The following C16orf78 variants were observed in gnomAD, a reference collection of about 807,000 sequenced individuals.
C16orf78 encodes the protein chromosome 16 open reading frame 78.
A neutral mutation model predicts 27.3 loss-of-function variants in C16orf78; 19 were observed. The observed-to-expected ratio is 0.70, with a 90% CI of 0.49 to 1.02. C16orf78 has a LOEUF of 1.02. Ranked by LOEUF, C16orf78 falls within the 50% of genes least tolerant of loss-of-function variation. The pLI, the probability that C16orf78 is intolerant of heterozygous loss-of-function variation, is 0.00. For missense variants in C16orf78, 339 were observed against 337.0 expected, an observed-to-expected ratio of 1.01 and a Z score of -0.05; for synonymous variants, 130 against 116.1, an observed-to-expected ratio of 1.12 and a Z score of -0.77.
chr16:49,394,097 G>T (rs1316810453), intron 3 of C16orf78, among the ~76,000 whole-genome samples: 1 of 152,012 alleles, frequency 6.6e-6, no homozygotes, highest in Admixed American at 6.6e-5. Context: ...CTAAAAAATG[G>T]CACTAAGACA....
chr16:49,378,510 G>A lies in C16orf78; in HGVS notation c.311G>A (p.Arg104Gln), dbSNP rs74431342. 1.1e-3 allele frequency: 1,713 copies of A among 1,608,260 alleles called. 17 individuals are homozygous for A. The African/African-American group carries it at 0.02, about 19-fold the overall frequency. ...KRFRKDAASY[R>Q]SLYGVEQKGK... ...TTCAGGAAGGACGCCGCCTCCTACC[G>A]AAGCCTCTATGGAGTGGAGCAAAAG... Residue 104 changes from arginine (R) to glutamine (Q), a missense_variant, in exon 3 of 5, where the codon CGA (arginine) becomes CAA (glutamine). Transcript: ENST00000299191.
At position 49,377,776 on chromosome 16, in the gene C16orf78, A is replaced by G. The variant is rs1965239035; in HGVS notation, c.196A>G (p.Lys66Glu). The change falls in exon 2 of 5, where the codon AAG (lysine) becomes GAG (glutamate). Residue 66 changes from lysine to glutamate, a missense_variant. Transcript: ENST00000299191. ...VVTVLKRNKK[K>E]EEKKGKGLMT... ...GACAGTCCTTAAACGAAATAAGAAG[A>G]AGGAAGAGAAGAAAGGCAAAGGCCT... is the stretch of plus-strand genomic sequence containing the variant. 1.3e-6 allele frequency: 2 copies of G among 1,599,712 alleles called. No individual in the cohort carries two copies. The highest frequency in any genetic ancestry group is 1.7e-6 in the Non-Finnish European group (2 of 1,173,122).
chr16:49,393,046 T>G (rs1043041470), intron 3 of C16orf78, among the ~76,000 whole-genome samples: 1 of 152,222 alleles, frequency 6.6e-6, no homozygotes, highest in Non-Finnish European at 1.5e-5. Context: ...TCTTCTGCCA[T>G]GATTGTGAGG....
At chr16:49,387,286 CT>C (rs2151613717) in intron 3 of C16orf78, among the ~76,000 whole-genome samples, 1 of 152,042 alleles carries the variant, frequency 6.6e-6, no homozygotes, top group East Asian at 1.9e-4. Context: ...CCTTTGCCCA[CT>C]TTTGTTGTTG....
chr16:49,386,870 C>T (rs890031626), intron 3 of C16orf78, among the ~76,000 whole-genome samples: 13 of 152,154 alleles, frequency 8.5e-5, no homozygotes, highest in African/African-American at 3.1e-4. Flanking sequence ...AAGTTGATTC[C>T]ATGCTTTGCT....
intron 3 of C16orf78, among the ~76,000 whole-genome samples, chr16:49,391,029 AG>A (rs899643267): frequency 6.6e-6 from 1 of 152,208 alleles, no homozygotes; most frequent in Non-Finnish European, 1.5e-5. Flanking sequence ...TAATTGCTTA[AG>A]GTGAAAGGAT....
In C16orf78 at chr16:49,388,686, A is replaced by AT. The variant is rs796319423; in HGVS notation, c.395-7729dup. 5.9e-5 allele frequency among the ~76,000 whole-genome samples: 9 copies of AT among 151,810 alleles called. No homozygotes were observed. In the East Asian group the frequency reaches 9.7e-4, roughly 16 times the overall value. ...GCCACCATGGCCAGCAAATTTTTGTATTTTTTTTGTAGAGACGAGGTTTTG... is the reference window on the plus strand; with the variant it reads ...GCCACCATGGCCAGCAAATTTTTGTATTTTTTTTTGTAGAGACGAGGTTTTG... On this transcript the variant is annotated intron_variant, in intron 3 of 4. Coordinates refer to ENST00000299191, the MANE Select transcript of C16orf78 (RefSeq NM_144602.4).
intron 3 of C16orf78, among the ~76,000 whole-genome samples, chr16:49,382,943 G>A (rs1227750277): frequency 6.6e-6 from 1 of 152,166 alleles, no homozygotes; most frequent in Non-Finnish European, 1.5e-5. Flanking sequence ...CTCCCTAAAA[G>A]AAACCCATAC....
At chr16:49,384,297 G>T (rs1449106550) in intron 3 of C16orf78, among the ~76,000 whole-genome samples, 1 of 144,684 alleles carries the variant, frequency 6.9e-6, no homozygotes, top group Admixed American at 7.2e-5. Context: ...GCAGTGAGCC[G>T]AGATAGTGCC....
intron 4 of C16orf78, 69 bp downstream of exon 4, chr16:49,396,747 G>A: frequency 4.5e-6 from 7 of 1,543,056 alleles, no homozygotes; most frequent in South Asian, 2.5e-5. Context: ...TCTTGTCCCT[G>A]GCTCAAACAC....
At chr16:49,386,978 G>A (rs570646260) in intron 3 of C16orf78, among the ~76,000 whole-genome samples, 2 of 152,266 alleles carry the variant, frequency 1.3e-5, no homozygotes, top group East Asian at 1.9e-4. Flanking sequence ...GGGATTGCTG[G>A]GTTGAATGAT....
chr16:49,398,795 T>C (rs1002814522), intron 4 of C16orf78, among the ~76,000 whole-genome samples: 1 of 152,246 alleles, frequency 6.6e-6, no homozygotes, highest in Non-Finnish European at 1.5e-5. Context: ...AATCCCAAAA[T>C]GAACATCTTT....
At chr16:49,379,754 A>G (rs529323192) in intron 3 of C16orf78, among the ~76,000 whole-genome samples, 7 of 152,370 alleles carry the variant, frequency 4.6e-5, no homozygotes, top group Admixed American at 3.9e-4. Flanking sequence ...TGAAGGATAT[A>G]CAGGAATCCT....
chr16:49,397,381 C>T (rs1368420397), intron 4 of C16orf78, among the ~76,000 whole-genome samples: 1 of 152,222 alleles, frequency 6.6e-6, no homozygotes, highest in Non-Finnish European at 1.5e-5. Context: ...GTAAGGTTGA[C>T]ATCAGTAAAC....
At chr16:49,377,614 C>A in intron 1 of C16orf78, 117 bp from the exon 2 acceptor site, 1 of 1,322,834 alleles carries the variant, frequency 7.6e-7, no homozygotes, top group Non-Finnish European at 1.0e-6. Flanking sequence ...AGTGTGTGTG[C>A]TGAAGCCTGT....
chr16:49,377,102 T>C (rs1965228708), intron 1 of C16orf78, among the ~76,000 whole-genome samples: 1 of 152,170 alleles, frequency 6.6e-6, no homozygotes, highest in Admixed American at 6.5e-5. Flanking sequence ...CTGCCCTCCC[T>C]GCCTCCCCTG....
chr16:49,396,298 C>A, intron 3 of C16orf78, 125 bp from the exon 4 acceptor site: 1 of 1,126,680 alleles, frequency 8.9e-7, no homozygotes. Flanking sequence ...ACGAAAAGAC[C>A]TCATATCTCA....
rs779844897 is a variant in C16orf78, at chr16:49,396,469, A to C, written c.441A>C (p.Pro147=). The part of the protein sequence containing the change: ...DAVDPESTQR[P]NPFRRQSIVL... ...TCGACCCAGAGTCCACTCAGCGGCC[A>C]AACCCATTCCGTCGACAAAGCATTG... Residue 147 remains proline, a synonymous_variant, in exon 4 of 5, where the codon CCA becomes CCC. Transcript: ENST00000299191. The C allele has an allele frequency of 1.9e-6, 3 of 1,614,206 alleles. No homozygotes were observed. The highest frequency in any genetic ancestry group is 2.5e-6 in the Non-Finnish European group (3 of 1,180,040).
At chr16:49,395,032 A>AT (rs934591542) in intron 3 of C16orf78, among the ~76,000 whole-genome samples, 99 of 150,928 alleles carry the variant, frequency 6.6e-4, no homozygotes, top group African/African-American at 2.3e-3. Context: ...CAGACCCCTA[A>AT]TTTTTTTTTG....
Sources: gnomAD v4.1 joint callset for allele counts (sites outside exome capture counted in the v4.1 genomes callset) on GRCh38, gnomAD v4.1.1 for gene constraint, MANE v1.5 for transcripts, NCBI Gene and HGNC (gene_info 2026-07-23, HGNC 2026-07-21) for gene names.